The following CTNND2 variants were observed in gnomAD, a reference collection of about 807,000 sequenced individuals.
CTNND2 encodes catenin delta 2, also known as catenin delta-2.
A neutral mutation model predicts 144.4 loss-of-function variants in CTNND2; 22 were observed. The ratio of observed to expected loss-of-function variants is 0.15; its 90% confidence interval spans 0.11 to 0.22. The LOEUF (loss-of-function observed/expected upper bound fraction) is 0.22. CTNND2 is among the 10% of genes least tolerant of loss of function. The probability of loss-of-function intolerance (pLI) is 1.00; values close to 1 mark genes in which losing one functional copy is unlikely to be tolerated. For synonymous variants in CTNND2, 751 were observed against 695.6 expected, an observed-to-expected ratio of 1.08 and a Z score of -1.25; for missense variants, 1,353 against 1,618.8, an observed-to-expected ratio of 0.84 and a Z score of 2.82.
intron 10 of CTNND2, among the ~76,000 whole-genome samples, chr5:11,228,076 T>C (rs779211266): frequency 2.0e-4 from 31 of 151,930 alleles, no homozygotes; most frequent in Non-Finnish European, 4.0e-4. Context: ...GCGTGATGGT[T>C]CATGCCTGTA....
chr5:11,288,889 G>T (rs1248668935), intron 9 of CTNND2, among the ~76,000 whole-genome samples: 6 of 151,926 alleles, frequency 3.9e-5, no homozygotes, highest in African/African-American at 1.4e-4. Flanking sequence ...TGTACTGCAA[G>T]ATATAAGAGG....
At chr5:11,063,537 T>C (rs1747226789) in intron 16 of CTNND2, among the ~76,000 whole-genome samples, 1 of 151,034 alleles carries the variant, frequency 6.6e-6, no homozygotes, top group Non-Finnish European at 1.5e-5. Flanking sequence ...CTTTAAAGCA[T>C]AAAATACATT....
chr5:11,611,153 C>T (rs995090341), intron 2 of CTNND2, among the ~76,000 whole-genome samples: 2 of 152,062 alleles, frequency 1.3e-5, no homozygotes, highest in African/African-American at 4.8e-5. Flanking sequence ...GGGGCTCTTC[C>T]CCCTTTAGCT....
chr5:11,612,451 A>C (rs568596360), intron 2 of CTNND2, among the ~76,000 whole-genome samples: 1 of 152,206 alleles, frequency 6.6e-6, no homozygotes, highest in African/African-American at 2.4e-5. Flanking sequence ...GCTAAGATAC[A>C]TGGGATCTTA....
chr5:11,139,946 A>G (rs1482978479), intron 12 of CTNND2, among the ~76,000 whole-genome samples: 1 of 151,992 alleles, frequency 6.6e-6, no homozygotes, highest in Non-Finnish European at 1.5e-5. Context: ...GAGCCAGGGG[A>G]GACTTTCTTA....
intron 15 of CTNND2, among the ~76,000 whole-genome samples, chr5:11,090,617 T>C (rs931248285): frequency 1.4e-4 from 22 of 152,290 alleles, no homozygotes; most frequent in Middle Eastern, 3.4e-3. Flanking sequence ...TGATCTGAGG[T>C]GGAACAGTTT....
At chr5:11,213,820 T>C (rs1049474947) in intron 10 of CTNND2, among the ~76,000 whole-genome samples, 4 of 96,468 alleles carry the variant, frequency 4.1e-5, no homozygotes, top group African/African-American at 1.6e-4. Context: ...TATATGCACA[T>C]ATATATATAT....
intron 1 of CTNND2, among the ~76,000 whole-genome samples, chr5:11,833,227 C>T (rs1793999733): frequency 1.3e-5 from 2 of 151,972 alleles, no homozygotes; most frequent in Non-Finnish European, 2.9e-5. Flanking sequence ...AAAACAATGT[C>T]AAAGTCCATT....
intron 9 of CTNND2, among the ~76,000 whole-genome samples, chr5:11,240,346 AAC>A (rs1324115183): frequency 2.3e-4 from 28 of 123,672 alleles, no homozygotes; most frequent in East Asian, 1.3e-3. Context: ...ACATACACCC[AAC>A]ACACACACAT....
chr5:11,082,264 C>A lies in CTNND2; in HGVS notation c.2788+432G>T, dbSNP rs575320010. Reference sequence around the variant, plus strand: ...AAGATCCTCTGTATTTCTTGAATACCAAATTAAAGAGAGATAATTTCTTAA... The same window carrying A: ...AAGATCCTCTGTATTTCTTGAATACAAAATTAAAGAGAGATAATTTCTTAA... On this transcript the variant is annotated intron_variant, in intron 16 of 21. Coordinates refer to ENST00000304623, the MANE Select transcript of CTNND2 (RefSeq NM_001332.4). Among the ~76,000 whole-genome samples, 7 of 152,180 alleles carry A rather than the reference C, an allele frequency of 4.6e-5. 1 individual carries two copies. The highest frequency in any genetic ancestry group is 1.7e-4 in the African/African-American group (7 of 41,504).
chr5:11,095,737 C>T (rs72729291), intron 15 of CTNND2, among the ~76,000 whole-genome samples: 97 of 152,208 alleles, frequency 6.4e-4, no homozygotes, highest in Non-Finnish European at 7.5e-4. Flanking sequence ...TTAGATGTGG[C>T]GCAGTTCTTT....
At chr5:11,353,062 CTT>C (rs35251702) in intron 8 of CTNND2, among the ~76,000 whole-genome samples, 4,108 of 125,386 alleles carry the variant, frequency 0.033, 94 homozygotes, top group African/African-American at 0.073. Context: ...GATACACAGT[CTT>C]TTTTTTTTTT....
chr5:11,124,697 G>C (rs950453325), intron 12 of CTNND2, among the ~76,000 whole-genome samples: 1 of 152,136 alleles, frequency 6.6e-6, no homozygotes, highest in Non-Finnish European at 1.5e-5. Flanking sequence ...TCACTGGCAC[G>C]ATCAACCCCT....
intron 2 of CTNND2, among the ~76,000 whole-genome samples, chr5:11,620,040 T>C (rs2561592): frequency 0.038 from 5,792 of 152,318 alleles, 370 homozygotes; most frequent in African/African-American, 0.13. Context: ...ATCGATGATA[T>C]TTTGCATTTC....
chr5:11,007,351 T>C (rs1436074593), intron 18 of CTNND2, among the ~76,000 whole-genome samples: 2 of 146,820 alleles, frequency 1.4e-5, no homozygotes, highest in Non-Finnish European at 3.0e-5. Flanking sequence ...CAATCTGTCA[T>C]CTGGTTAAAT....
rs574987681 is a variant in CTNND2, at chr5:11,009,141, G to T, written c.3084+8833C>A. Among the ~76,000 whole-genome samples the T allele has an allele frequency of 3.9e-5, 6 of 152,288 alleles. No homozygotes were observed. In the South Asian group the frequency reaches 1.0e-3, roughly 26 times the overall value. On this transcript the variant is annotated intron_variant, in intron 18 of 21. Transcript: ENST00000304623. Reference sequence around the variant, plus strand: ...TAGTCTGAGGCTGATTGAGAATTCTGAGGCGGATGGCTGTGGAGGTCAGGC... The same window carrying T: ...TAGTCTGAGGCTGATTGAGAATTCTTAGGCGGATGGCTGTGGAGGTCAGGC...
At chr5:11,296,988 AAAAG>A (rs1749093406) in intron 9 of CTNND2, among the ~76,000 whole-genome samples, 1 of 152,266 alleles carries the variant, frequency 6.6e-6, no homozygotes, top group Non-Finnish European at 1.5e-5. Context: ...TATAATAAAA[AAAAG>A]AAAGTTTCTC....
chr5:11,469,101 CA>C (rs1396374311), intron 3 of CTNND2, among the ~76,000 whole-genome samples: 1 of 152,168 alleles, frequency 6.6e-6, no homozygotes, highest in Admixed American at 6.5e-5. Context: ...AACAAGTGTT[CA>C]GGGAGTTTCT....
At chr5:11,233,716 C>CTGTG (rs3033106) in intron 10 of CTNND2, among the ~76,000 whole-genome samples, 6,761 of 148,280 alleles carry the variant, frequency 0.046, 164 homozygotes, top group South Asian at 0.085. Flanking sequence ...GTTTACGTGT[C>CTGTG]TGTGTGTGTG....
Sources: gnomAD v4.1 joint callset for allele counts (sites outside exome capture counted in the v4.1 genomes callset) on GRCh38, gnomAD v4.1.1 for gene constraint, MANE v1.5 for transcripts, NCBI Gene and HGNC (gene_info 2026-07-23, HGNC 2026-07-21) for gene names.